MYO1H: variants seen among roughly 807,000 people sequenced by gnomAD.
MYO1H encodes unconventional myosin-Ih.
A neutral mutation model predicts 149.3 loss-of-function variants in MYO1H; 118 were observed. That is an observed-to-expected ratio of 0.79 (90% CI 0.68 to 0.92). The LOEUF (loss-of-function observed/expected upper bound fraction) is 0.92. MYO1H is among the 40% of genes least tolerant of loss of function. The pLI, the probability that MYO1H is intolerant of heterozygous loss-of-function variation, is 0.00. For synonymous variants in MYO1H, 447 were observed against 465.2 expected (o/e 0.96, Z 0.50); for missense variants, 1,212 against 1,280.7 (o/e 0.95, Z 0.82).
At chr12:109,405,672 A>G (rs1398784675) in intron 7 of MYO1H, among the ~76,000 whole-genome samples, 3 of 152,164 alleles carry the variant, frequency 2.0e-5, no homozygotes, top group African/African-American at 7.2e-5. Context: ...TGTTGTTGTT[A>G]TATGAAAATA....
intron 1 of MYO1H, among the ~76,000 whole-genome samples, chr12:109,358,322 A>C (rs1317075731): frequency 6.6e-6 from 1 of 152,134 alleles, no homozygotes. Context: ...AGCCTTAGAC[A>C]TAAGGCAACC....
chr12:109,370,976 A>T (rs545931926), intron 1 of MYO1H, among the ~76,000 whole-genome samples: 1 of 152,338 alleles, frequency 6.6e-6, no homozygotes, highest in East Asian at 1.9e-4. Flanking sequence ...CTTGTACAAA[A>T]TGCTATAAAG....
At chr12:109,320,623 CAAAAAA>C in the MYO1H span, among the ~76,000 whole-genome samples, 236 of 92,810 alleles carry the variant, frequency 2.5e-3, no homozygotes, top group African/African-American at 9.1e-3. Flanking sequence ...GAATCTGTCT[CAAAAAA>C]AAAAAAAAAA....
chr12:109,445,328 A>C, intron 30 of MYO1H, 185 bp from the exon 31 acceptor site: 1 of 553,820 alleles, frequency 1.8e-6, no homozygotes, highest in Non-Finnish European at 3.2e-6. Context: ...CTACAGAAAC[A>C]TGTAAGTTGC....
intron 19 of MYO1H, among the ~76,000 whole-genome samples, chr12:109,430,329 T>C (rs927823805): frequency 2.0e-5 from 3 of 152,140 alleles, no homozygotes; most frequent in African/African-American, 7.2e-5. Flanking sequence ...GGAGCAACCA[T>C]ATCATAGAGT....
chr12:109,312,422 A>AGAC, the MYO1H span, among the ~76,000 whole-genome samples: 1 of 148,428 alleles, frequency 6.7e-6, no homozygotes, highest in African/African-American at 2.6e-5. Flanking sequence ...TTTTAAGTAG[A>AGAC]GACGGGGTTT....
At chr12:109,446,007 G>A (rs1872464383) in intron 31 of MYO1H, 2 of 985,378 alleles carry the variant, frequency 2.0e-6, no homozygotes, top group Non-Finnish European at 2.4e-6. Context: ...TTGGTTGGAG[G>A]TGCGGCTTAG....
chr12:109,444,409 G>A (rs761962377), intron 29 of MYO1H, 23 bp from the exon 30 acceptor site: 9 of 1,603,674 alleles, frequency 5.6e-6, no homozygotes, highest in Non-Finnish European at 7.7e-6. Flanking sequence ...CTGAAATTAT[G>A]CCTTGTCTCC....
chr12:109,333,807 T>A, the MYO1H span, among the ~76,000 whole-genome samples: 726 of 152,260 alleles, frequency 4.8e-3, 12 homozygotes, highest in Middle Eastern at 0.017. Flanking sequence ...CTTAGAATGT[T>A]TTCAGGTTAT....
chr12:109,343,334 G>A (rs2048092504), upstream of MYO1H, among the ~76,000 whole-genome samples: 1 of 151,970 alleles, frequency 6.6e-6, no homozygotes. Flanking sequence ...GCAATTTAAG[G>A]GATAATCAAC....
intron 1 of MYO1H, among the ~76,000 whole-genome samples, chr12:109,379,980 C>T (rs891334651): frequency 2.0e-5 from 3 of 152,170 alleles, no homozygotes; most frequent in African/African-American, 7.2e-5. Context: ...ATCCGCCCAC[C>T]TCAGCCTCCC....
chr12:109,392,204 A>G (rs551565912), intron 2 of MYO1H, among the ~76,000 whole-genome samples: 1 of 152,320 alleles, frequency 6.6e-6, no homozygotes, highest in South Asian at 2.1e-4. Flanking sequence ...TAAAACCCCA[A>G]TTCCTCGTGG....
At chr12:109,399,822 G>A (rs11610131) in intron 5 of MYO1H, among the ~76,000 whole-genome samples, 37,752 of 151,954 alleles carry the variant, frequency 0.25, 5,577 homozygotes, top group East Asian at 0.39. Context: ...GGCTGAGGTG[G>A]GAGAATTGCT....
chr12:109,427,357 G>A, intron 18 of MYO1H, 112 bp from the exon 19 acceptor site: 1 of 649,264 alleles, frequency 1.5e-6, no homozygotes, highest in South Asian at 1.7e-5. Flanking sequence ...CACGAAATGA[G>A]TCTGGGGCCA....
At chr12:109,310,836 T>A in the MYO1H span, among the ~76,000 whole-genome samples, 1 of 152,216 alleles carries the variant, frequency 6.6e-6, no homozygotes, top group African/African-American at 2.4e-5. Context: ...AAGATGTAGT[T>A]TACAGATGTT....
At chr12:109,380,744 G>A (rs1303547410) in intron 1 of MYO1H, among the ~76,000 whole-genome samples, 3 of 152,192 alleles carry the variant, frequency 2.0e-5, no homozygotes, top group African/African-American at 4.8e-5. Context: ...TCAGGAGTTC[G>A]AGACCAGCCT....
At chr12:109,445,459 G>T (rs1872439170) in intron 30 of MYO1H, 54 bp from the exon 31 acceptor site, 2 of 1,347,648 alleles carry the variant, frequency 1.5e-6, no homozygotes, top group South Asian at 1.3e-5. Flanking sequence ...TAGACCAAAG[G>T]TTGAGAGAAG....
chr12:109,407,771 A>G (rs920214691), intron 9 of MYO1H, 23 bp from the exon 10 acceptor site: 2 of 1,612,354 alleles, frequency 1.2e-6, no homozygotes, highest in African/African-American at 2.7e-5. Context: ...ACCTATAATG[A>G]TGCACCTTGT....
At chr12:109,436,434 A>C in intron 21 of MYO1H, 54 bp from the exon 22 acceptor site, 1 of 1,366,112 alleles carries the variant, frequency 7.3e-7, no homozygotes, top group Non-Finnish European at 1.0e-6. Flanking sequence ...GATCACAACC[A>C]CAAAGATGCG....
Sources: allele counts gnomAD v4.1 joint callset (sites outside exome capture counted in the v4.1 genomes callset), GRCh38; gene constraint gnomAD v4.1.1; transcripts MANE v1.5; gene names NCBI Gene and HGNC (gene_info 2026-07-23, HGNC 2026-07-21).